VOPP1: variants seen among roughly 807,000 people sequenced by gnomAD.
The protein encoded by VOPP1 is WW domain binding protein VOPP1.
VOPP1 carries 8 observed loss-of-function variants against 23.5 expected under a neutral mutation model. The ratio of observed to expected loss-of-function variants is 0.34; its 90% CI spans 0.20 to 0.61. The LOEUF (loss-of-function observed/expected upper bound fraction) is 0.61. Ranked by LOEUF, VOPP1 falls within the 20% of genes least tolerant of loss-of-function variation. VOPP1 has a pLI of 0.78. For synonymous variants in VOPP1, 83 were observed against 97.3 expected (o/e 0.85, Z 0.86); for missense variants, 174 against 238.1 (o/e 0.73, Z 1.77).
At chr7:55,525,208 C>T (rs956878279) in intron 1 of VOPP1, among the ~76,000 whole-genome samples, 2 of 152,038 alleles carry the variant, frequency 1.3e-5, no homozygotes, top group Admixed American at 6.5e-5. Context: ...TACAGACTCT[C>T]GGCCGGGCGC....
At chr7:55,534,040 A>G (rs546690110) in intron 1 of VOPP1, among the ~76,000 whole-genome samples, 1 of 152,040 alleles carries the variant, frequency 6.6e-6, no homozygotes, top group East Asian at 1.9e-4. Context: ...CAAACTGTAC[A>G]GCTGTCTCCC....
chr7:55,553,912 C>A (rs955201208), intron 1 of VOPP1: 1 of 152,352 alleles, frequency 6.6e-6, no homozygotes, highest in Non-Finnish European at 1.5e-5. Flanking sequence ...CAGGCTTGCA[C>A]TGCACAACTC....
chr7:55,475,501 C>T (rs1452432094), intron 4 of VOPP1, among the ~76,000 whole-genome samples: 1 of 152,136 alleles, frequency 6.6e-6, no homozygotes, highest in Non-Finnish European at 1.5e-5. Context: ...ACGAAGGGAG[C>T]AGTGCGTTAC....
downstream of VOPP1, among the ~76,000 whole-genome samples, chr7:55,468,696 A>G (rs1207614848): frequency 6.6e-6 from 1 of 152,204 alleles, no homozygotes; most frequent in Non-Finnish European, 1.5e-5. Flanking sequence ...AGCTGCAGGT[A>G]AGCATGCATG....
intron 4 of VOPP1, among the ~76,000 whole-genome samples, chr7:55,442,896 C>T (rs538431519): frequency 1.2e-4 from 18 of 151,986 alleles, no homozygotes; most frequent in Non-Finnish European, 2.5e-4. Flanking sequence ...GCAGGTGGAT[C>T]ACGAGGTCAG....
intron 2 of VOPP1, among the ~76,000 whole-genome samples, chr7:55,502,216 A>G (rs1794417769): frequency 6.6e-6 from 1 of 152,246 alleles, no homozygotes; most frequent in Non-Finnish European, 1.5e-5. Flanking sequence ...TCCAGAATTA[A>G]CACACATACA....
intron 4 of VOPP1, among the ~76,000 whole-genome samples, chr7:55,439,474 C>T (rs1790912288): frequency 1.3e-5 from 2 of 151,832 alleles, no homozygotes; most frequent in South Asian, 2.1e-4. Flanking sequence ...AGCTGGTGAG[C>T]GAAATAGGGT....
intron 1 of VOPP1, chr7:55,530,848 C>G (rs1796459280): frequency 6.6e-6 from 1 of 152,208 alleles, no homozygotes; most frequent in African/African-American, 2.4e-5. Context: ...CTGTCAATTA[C>G]TGCATCTCCA....
intron 4 of VOPP1, among the ~76,000 whole-genome samples, chr7:55,489,272 A>G (rs1793380372): frequency 6.6e-6 from 1 of 152,234 alleles, no homozygotes; most frequent in Admixed American, 6.5e-5. Context: ...GGGATCAGCC[A>G]CACCGTTGCA....
At chr7:55,485,769 C>T (rs755773497) in intron 4 of VOPP1, among the ~76,000 whole-genome samples, 5 of 152,248 alleles carry the variant, frequency 3.3e-5, no homozygotes, top group South Asian at 2.1e-4. Flanking sequence ...AGGGACCTCA[C>T]GTGGGGCTGC....
At chr7:55,436,695 CGT>C (rs1214443760) in intron 4 of VOPP1, among the ~76,000 whole-genome samples, 2 of 151,572 alleles carry the variant, frequency 1.3e-5, no homozygotes, top group Non-Finnish European at 2.9e-5. Context: ...CATGTGCATG[CGT>C]GTGTGTGCAT....
chr7:55,449,220 C>T (rs1460318078), intron 4 of VOPP1, among the ~76,000 whole-genome samples: 1 of 152,214 alleles, frequency 6.6e-6, no homozygotes, highest in African/African-American at 2.4e-5. Context: ...TGTCGGCGCC[C>T]GTGCCTCAGG....
intron 2 of VOPP1, among the ~76,000 whole-genome samples, chr7:55,518,131 A>T (rs1181178457): frequency 6.6e-6 from 1 of 152,198 alleles, no homozygotes; most frequent in Non-Finnish European, 1.5e-5. Flanking sequence ...GGCCGTGTGC[A>T]AGTCCTGTGC....
At chr7:55,435,626 T>C (rs1359116368), downstream of VOPP1, among the ~76,000 whole-genome samples, 1 of 152,166 alleles carries the variant, frequency 6.6e-6, no homozygotes, top group Non-Finnish European at 1.5e-5. Context: ...ATTCCATCCA[T>C]TGTCTCCTGT....
intron 4 of VOPP1, among the ~76,000 whole-genome samples, chr7:55,485,885 G>C (rs1167444997): frequency 3.3e-5 from 5 of 152,268 alleles, no homozygotes; most frequent in African/African-American, 1.2e-4. Context: ...AATACATTTA[G>C]GGAGAAAAGT....
chr7:55,535,222 A>G (rs1203298553), intron 1 of VOPP1, among the ~76,000 whole-genome samples: 2 of 152,126 alleles, frequency 1.3e-5, no homozygotes, highest in East Asian at 1.9e-4. Flanking sequence ...CCTGCTAGAA[A>G]ATCTCCAGGG....
chr7:55,449,205 G>C (rs1791178419), intron 4 of VOPP1, among the ~76,000 whole-genome samples: 2 of 152,218 alleles, frequency 1.3e-5, no homozygotes, highest in African/African-American at 2.4e-5. Flanking sequence ...CGGGTCCCCT[G>C]CTCCTGTCGG....
At chr7:55,520,696 G>A (rs1449922609) in intron 2 of VOPP1, among the ~76,000 whole-genome samples, 1 of 152,204 alleles carries the variant, frequency 6.6e-6, no homozygotes, top group East Asian at 1.9e-4. Flanking sequence ...CTCCGCTGAG[G>A]ACTGTTTCTT....
At position 55,561,890 on chromosome 7, in the gene VOPP1, C is replaced by T. The variant is rs370518117; in HGVS notation, c.54+10381G>A. 1.7e-3 allele frequency: 1,185 copies of T among 699,746 alleles called. 7 individuals carry two copies. The highest frequency in any genetic ancestry group is 7.7e-3 in the East Asian group (285 of 37,198). 43.3% of individuals were successfully genotyped at this position (699,746 alleles called of 1,614,324 possible). On this transcript the variant is annotated intron_variant, in intron 1 of 4. Transcript: ENST00000285279. The stretch of plus-strand genomic sequence containing the variant: ...ATGAGAGTAGCCTTCCATGACACCA[C>T]CTGAGGGTCTTCAAGTATGGTGGGA...
Sources: gnomAD v4.1 joint callset for allele counts (sites outside exome capture counted in the v4.1 genomes callset) on GRCh38, gnomAD v4.1.1 for gene constraint, MANE v1.5 for transcripts, NCBI Gene and HGNC (gene_info 2026-07-23, HGNC 2026-07-21) for gene names.